The following RNLS variants were observed in gnomAD, a reference collection of about 807,000 sequenced individuals.
RNLS encodes renalase, FAD dependent amine oxidase.
In RNLS, 39 loss-of-function variants were observed where a neutral mutation model predicts 39.8. The observed-to-expected ratio is 0.98, with a 90% CI of 0.76 to 1.28. The LOEUF is 1.28. Among genes scored for constraint, RNLS ranks in the 50% most tolerant of loss-of-function variants. RNLS has a pLI of 0.00. For synonymous variants in RNLS, 147 were observed against 150.7 expected (o/e 0.98, Z 0.18); for missense variants, 410 against 413.3 (o/e 0.99, Z 0.07).
chr10:88,324,649 C>A (rs186050299), intron 5 of RNLS, among the ~76,000 whole-genome samples: 9 of 152,170 alleles, frequency 5.9e-5, no homozygotes, highest in African/African-American at 1.9e-4. Context: ...TTACTAGAAG[C>A]CCAAACGCCA....
chr10:88,330,072 T>G (rs919774735), intron 5 of RNLS, among the ~76,000 whole-genome samples: 23 of 94,074 alleles, frequency 2.4e-4, no homozygotes, highest in East Asian at 5.0e-4. Context: ...TGTTTTGAGA[T>G]ATATATATAT....
At chr10:88,227,164 C>T in the RNLS span, among the ~76,000 whole-genome samples, 1 of 152,080 alleles carries the variant, frequency 6.6e-6, no homozygotes. Context: ...CTTTATAGAA[C>T]ATGTTTGCTG....
chr10:88,185,127 T>C, the RNLS span, among the ~76,000 whole-genome samples: 1 of 152,186 alleles, frequency 6.6e-6, no homozygotes, highest in African/African-American at 2.4e-5. Flanking sequence ...AATAATCTAC[T>C]AGATTCAGAC....
the RNLS span, among the ~76,000 whole-genome samples, chr10:88,236,339 A>G: frequency 6.6e-6 from 1 of 152,338 alleles, no homozygotes; most frequent in African/African-American, 2.4e-5. Flanking sequence ...AGCTGGCTCT[A>G]TGGGGCCTAA....
At chr10:88,276,198 A>T (rs1018534928) in intron 6 of RNLS, among the ~76,000 whole-genome samples, 2 of 152,198 alleles carry the variant, frequency 1.3e-5, no homozygotes, top group African/African-American at 4.8e-5. Flanking sequence ...TACATTAAGG[A>T]CATACTTTTA....
chr10:88,498,679 T>C (rs189319633), intron 4 of RNLS, among the ~76,000 whole-genome samples: 1 of 151,974 alleles, frequency 6.6e-6, no homozygotes, highest in Non-Finnish European at 1.5e-5. Flanking sequence ...GCCCTTGTTT[T>C]AAGAAGGCAC....
the RNLS span, among the ~76,000 whole-genome samples, chr10:88,218,462 C>T: frequency 1.3e-5 from 2 of 152,162 alleles, no homozygotes; most frequent in African/African-American, 4.8e-5. Flanking sequence ...TTCTCCAGGC[C>T]CCTCCTAGGC....
intron 3 of RNLS, among the ~76,000 whole-genome samples, chr10:88,578,926 A>G (rs1171148396): frequency 6.6e-6 from 1 of 152,214 alleles, no homozygotes; most frequent in Non-Finnish European, 1.5e-5. Flanking sequence ...TAAGTATTCA[A>G]TGAATGTTTA....
At chr10:88,459,529 A>G (rs1842828803) in intron 4 of RNLS, among the ~76,000 whole-genome samples, 1 of 152,142 alleles carries the variant, frequency 6.6e-6, no homozygotes, top group Admixed American at 6.6e-5. Flanking sequence ...CGCTACTAAA[A>G]CAGTCCATGT....
intron 4 of RNLS, among the ~76,000 whole-genome samples, chr10:88,538,576 A>T (rs1589977970): frequency 6.6e-6 from 1 of 152,152 alleles, no homozygotes. Context: ...ATACCAGTGA[A>T]ATCTGATTTT....
At chr10:88,429,768 T>A (rs1855026670) in intron 4 of RNLS, among the ~76,000 whole-genome samples, 1 of 151,860 alleles carries the variant, frequency 6.6e-6, no homozygotes, top group Non-Finnish European at 1.5e-5. Context: ...AGCCTTCCAA[T>A]TACTCCAGCA....
At chr10:88,372,528 A>G (rs1047459410) in intron 4 of RNLS, among the ~76,000 whole-genome samples, 10 of 152,132 alleles carry the variant, frequency 6.6e-5, no homozygotes, top group Admixed American at 2.6e-4. Flanking sequence ...GTGAAACCGA[A>G]ATGACATTCA....
At chr10:88,420,011 A>AAAATAAATAAAT (rs57637078) in intron 4 of RNLS, among the ~76,000 whole-genome samples, 7 of 134,762 alleles carry the variant, frequency 5.2e-5, no homozygotes, top group Non-Finnish European at 9.5e-5. Context: ...ACTCCATCTC[A>AAAATAAATAAAT]AAATAAATAA....
the RNLS span, among the ~76,000 whole-genome samples, chr10:88,228,595 T>C: frequency 6.6e-6 from 1 of 152,240 alleles, no homozygotes; most frequent in African/African-American, 2.4e-5. Context: ...GTGCCACTAC[T>C]TCTTCGGTGT....
chr10:88,225,371 C>A, the RNLS span, among the ~76,000 whole-genome samples: 1 of 152,184 alleles, frequency 6.6e-6, no homozygotes, highest in African/African-American at 2.4e-5. Flanking sequence ...TTCAATAACA[C>A]CCTTTCCTTT....
intron 1 of RNLS, 60 bp from the exon 2 acceptor site, chr10:88,582,367 C>G: frequency 4.5e-6 from 6 of 1,345,040 alleles, no homozygotes; most frequent in Non-Finnish European, 6.2e-6. Flanking sequence ...GCAATTAATT[C>G]AATGCACCTT....
chr10:88,211,076 G>A, the RNLS span, among the ~76,000 whole-genome samples: 6 of 152,078 alleles, frequency 3.9e-5, no homozygotes, highest in African/African-American at 7.2e-5. Flanking sequence ...GGAAATCTTT[G>A]ACTTCCTTCT....
chr10:88,474,391 C>T (rs970879467), intron 4 of RNLS, among the ~76,000 whole-genome samples: 1 of 152,154 alleles, frequency 6.6e-6, no homozygotes, highest in African/African-American at 2.4e-5. Flanking sequence ...CTCAGCATTG[C>T]ATGGCAGTTC....
intron 4 of RNLS, among the ~76,000 whole-genome samples, chr10:88,445,572 T>C (rs1369507556): frequency 6.6e-6 from 1 of 152,096 alleles, no homozygotes; most frequent in Non-Finnish European, 1.5e-5. Flanking sequence ...GAGACCCATC[T>C]CACATGTAGC....
Sources: gnomAD v4.1 joint callset for allele counts (sites outside exome capture counted in the v4.1 genomes callset) on GRCh38, gnomAD v4.1.1 for gene constraint, MANE v1.5 for transcripts, NCBI Gene and HGNC (gene_info 2026-07-23, HGNC 2026-07-21) for gene names.